Variants in SCN1A observed in about 807,000 individuals in gnomAD.
SCN1A encodes the protein sodium voltage-gated channel alpha subunit 1.
Under a neutral mutation model 193.7 loss-of-function variants are expected in SCN1A, and 13 were observed. The ratio of observed to expected loss-of-function variants is 0.07; its 90% CI spans 0.04 to 0.11. The LOEUF (loss-of-function observed/expected upper bound fraction) is 0.11. Among genes scored for constraint, SCN1A ranks in the 10% least tolerant of loss-of-function variants. SCN1A has a pLI of 1.00. For missense variants in SCN1A, 1,432 were observed against 2,451.1 expected (o/e 0.58, Z 8.78); for synonymous variants, 781 against 843.6 (o/e 0.93, Z 1.29).
At chr2:166,124,158 A>G (rs1690959601) in intron 2 of SCN1A, among the ~76,000 whole-genome samples, 1 of 152,146 alleles carries the variant, frequency 6.6e-6, no homozygotes, top group Admixed American at 6.6e-5. Context: ...TGAAAGCTGC[A>G]TGTGGGTAGG....
rs1688579965 is a variant in SCN1A, at chr2:165,985,890, C to T, written c.*5355G>A. 6.6e-6 allele frequency: 1 copy of T among 152,112 alleles called. No homozygotes were observed. The highest frequency in any genetic ancestry group is 1.5e-5 in the Non-Finnish European group (1 of 68,000). The allele number at this position is 152,112 out of a possible 1,614,324, so 9.4% of individuals were successfully genotyped here. ...TGCACACATGAAGAATATGCAATTA[C>T]CAGACATATTTGCTGTCTTTAGTGC... On this transcript the variant is annotated 3_prime_UTR_variant, in exon 29 of 29. Transcript: ENST00000674923.
At chr2:166,118,843 A>G (rs1690210491) in intron 2 of SCN1A, among the ~76,000 whole-genome samples, 1 of 151,902 alleles carries the variant, frequency 6.6e-6, no homozygotes, top group Admixed American at 6.6e-5. Flanking sequence ...TCTTTATTGG[A>G]TTTTTTCTTT....
intron 4 of SCN1A, among the ~76,000 whole-genome samples, chr2:166,069,428 A>G (rs1475213356): frequency 6.6e-6 from 1 of 152,206 alleles, no homozygotes; most frequent in Non-Finnish European, 1.5e-5. Flanking sequence ...TGAACATTAC[A>G]TAATTTGCAC....
At chr2:166,012,997 A>C (rs998614642) in intron 21 of SCN1A, among the ~76,000 whole-genome samples, 2 of 151,332 alleles carry the variant, frequency 1.3e-5, no homozygotes, top group African/African-American at 4.8e-5. Context: ...GAATTATAAA[A>C]AGTTAAACTT....
chr2:166,109,496 G>C (rs1354782584), intron 2 of SCN1A: 1 of 152,882 alleles, frequency 6.5e-6, no homozygotes, highest in Non-Finnish European at 1.5e-5. Flanking sequence ...CACAGATACA[G>C]TTTTTCACAA....
chr2:166,107,439 C>T (rs767418528), intron 2 of SCN1A, among the ~76,000 whole-genome samples: 3 of 151,672 alleles, frequency 2.0e-5, no homozygotes, highest in Non-Finnish European at 4.4e-5. Flanking sequence ...TTACAAAACA[C>T]GATAGTTCAA....
At chr2:166,047,483 TATAATC>T in intron 11 of SCN1A, 138 bp downstream of exon 11, 1 of 921,840 alleles carries the variant, frequency 1.1e-6, no homozygotes, top group African/African-American at 1.6e-5. Context: ...CAGTATGTGT[TATAATC>T]AATAGGATAG....
intron 2 of SCN1A, among the ~76,000 whole-genome samples, chr2:166,096,058 T>A (rs879173236): frequency 6.6e-6 from 1 of 152,210 alleles, no homozygotes; most frequent in Non-Finnish European, 1.5e-5. Context: ...GGATTCATGT[T>A]AAATACATGT....
rs1559148930 is a variant in SCN1A at position 166,013,805 on chromosome 2, A to G, written c.3644T>C (p.Val1215Ala). The change falls in exon 21 of 29, where the codon GTT (valine) becomes GCT (alanine). Residue 1215 changes from valine (V) to alanine (A), a missense_variant. Around this residue, in one of 18 missense-constraint regions of SCN1A, gnomAD observed 107 missense variants for 259.4 expected, o/e 0.41. Transcript: ENST00000674923. ...WNLRRTCFRI[V>A]EHNWFETFIV... ...GAAGGTCTCAAACCAGTTATGTTCAACTATTCGGAAACACGTCCTTCTCAG... is the reference window on the plus strand; with the variant it reads ...GAAGGTCTCAAACCAGTTATGTTCAGCTATTCGGAAACACGTCCTTCTCAG... 6.2e-7 allele frequency: 1 copy of G among 1,612,376 alleles called. No individual in the cohort carries two copies. The highest frequency in any genetic ancestry group is 8.5e-7 in the Non-Finnish European group (1 of 1,178,696).
chr2:166,033,134 A>G (rs574991917), intron 19 of SCN1A, among the ~76,000 whole-genome samples: 9 of 152,262 alleles, frequency 5.9e-5, no homozygotes, highest in Non-Finnish European at 1.2e-4. Context: ...AGTCAAGAAG[A>G]TGCATTATTT....
chr2:166,043,212 TAGG>T (rs1169682043), intron 14 of SCN1A, among the ~76,000 whole-genome samples: 2 of 152,232 alleles, frequency 1.3e-5, no homozygotes, highest in East Asian at 3.8e-4. Context: ...ATATGAGTAC[TAGG>T]AGTATTAAGG....
At chr2:165,998,004 T>A in intron 26 of SCN1A, 34 bp downstream of exon 26, 1 of 1,546,492 alleles carries the variant, frequency 6.5e-7, no homozygotes, top group Middle Eastern at 2.1e-4. Flanking sequence ...TAATTTTCTA[T>A]CTCAGTGGGA....
chr2:166,058,444 A>G, intron 5 of SCN1A, 126 bp downstream of exon 5: 1 of 586,150 alleles, frequency 1.7e-6, no homozygotes, highest in Middle Eastern at 4.7e-4. Context: ...AATATGACAA[A>G]GATGCAAAAT....
chr2:165,989,074 G>A lies in SCN1A; in HGVS notation c.*2171C>T, dbSNP rs1011204964. 31 of 111,702 alleles carry A rather than the reference G, an allele frequency of 2.8e-4. No individual in the cohort carries two copies. The highest frequency in any genetic ancestry group is 4.3e-4 in the East Asian group (1 of 2,328). The allele number at this position is 111,702 out of a possible 1,614,324, so 6.9% of individuals were successfully genotyped here. A position where few individuals can be genotyped will look rare whatever the true frequency, so the allele number is the denominator to read the frequency against. Reference sequence around the variant, plus strand: ...TGTGTGTGTGTGTGTGTGTGCGCGCGCGCTCCCCTTCTCCCCCAATTTGTA... The same window carrying A: ...TGTGTGTGTGTGTGTGTGTGCGCGCACGCTCCCCTTCTCCCCCAATTTGTA... On this transcript the variant is annotated 3_prime_UTR_variant, in exon 29 of 29. Transcript: ENST00000674923.
chr2:166,042,452 A>G (rs779251251), intron 14 of SCN1A, 28 bp from the exon 15 acceptor site: 15 of 1,610,734 alleles, frequency 9.3e-6, no homozygotes, highest in Non-Finnish European at 1.0e-5. Flanking sequence ...AATGCATTAA[A>G]CAATTAATTT....
chr2:166,145,754 T>C (rs79989540), intron 1 of SCN1A, among the ~76,000 whole-genome samples: 5,500 of 152,308 alleles, frequency 0.036, 133 homozygotes, highest in South Asian at 0.047. Flanking sequence ...TCCAACAGCC[T>C]ATGATTTTAT....
rs758723150 is a variant in SCN1A at position 166,048,933 on chromosome 2, C to T, written c.981G>A (p.Leu327=). 1.4e-5 allele frequency: 22 copies of T among 1,604,224 alleles called. No individual in the cohort carries two copies. Among genetic ancestry groups the T allele is most frequent in the Non-Finnish European group, 1.7e-5 (20 of 1,171,786 alleles). Residue 327 remains leucine (L), a synonymous_variant, in exon 10 of 29, where the codon CTG becomes CTA. Coordinates refer to ENST00000674923, the MANE Select transcript of SCN1A (RefSeq NM_001165963.4). The part of the protein sequence containing the change: ...YIQDSRYHYF[L]EGFLDALLCG... The stretch of plus-strand genomic sequence containing the variant: ...ATAGTAGTGCATCTAAAAAACCCTC[C>T]AGGAAATAATGATATCCTGTTTGAA...
At chr2:166,001,923 T>C (rs1254467852) in intron 24 of SCN1A, among the ~76,000 whole-genome samples, 2 of 148,734 alleles carry the variant, frequency 1.3e-5, no homozygotes, top group African/African-American at 4.9e-5. Context: ...AGTTTCACTC[T>C]TTGTTGCCCA....
intron 2 of SCN1A, among the ~76,000 whole-genome samples, chr2:166,112,923 AC>A (rs1208768076): frequency 6.6e-6 from 1 of 152,120 alleles, no homozygotes; most frequent in African/African-American, 2.4e-5. Context: ...AGCTTCTCCT[AC>A]CCTATACTTT....
Sources: gnomAD v4.1 joint callset for allele counts (sites outside exome capture counted in the v4.1 genomes callset) on GRCh38, gnomAD v4.1.1 for gene constraint, gnomAD v4.1.1 regional missense constraint, MANE v1.5 for transcripts, NCBI Gene and HGNC (gene_info 2026-07-23, HGNC 2026-07-21) for gene names.